KCNN3: variants seen among roughly 807,000 people sequenced by gnomAD.
KCNN3 encodes the protein small conductance calcium-activated potassium channel protein 3.
Under a neutral mutation model 62.9 loss-of-function variants are expected in KCNN3, and 16 were observed. The ratio of observed to expected loss-of-function variants is 0.25; its 90% CI spans 0.17 to 0.39. The LOEUF (loss-of-function observed/expected upper bound fraction) is 0.39, where lower values mean the gene tolerates loss of function less well. Among genes scored for constraint, KCNN3 ranks in the 10% least tolerant of loss-of-function variants. KCNN3 has a pLI of 1.00. For missense variants in KCNN3, 599 were observed against 949.4 expected (o/e 0.63, Z 4.85); for synonymous variants, 370 against 389.2 (o/e 0.95, Z 0.58).
At position 154,754,852 on chromosome 1, in the gene KCNN3, G is replaced by A. The variant is rs995055928; in HGVS notation, c.1448+17123C>T. The stretch of plus-strand genomic sequence containing the variant: ...CTTGCAGCCTAAAACGAATACTAAC[G>A]GGTAAAGTTCCTGAGAAAAAGAAGA... On this transcript the variant is annotated intron_variant, in intron 3 of 7. Coordinates refer to ENST00000271915, the MANE Select transcript of KCNN3 (RefSeq NM_002249.6). Among the ~76,000 whole-genome samples the A allele has an allele frequency of 8.5e-5, 13 of 152,266 alleles. No homozygotes were observed. In the East Asian group the frequency reaches 9.6e-4, roughly 11 times the overall value.
intron 5 of KCNN3, among the ~76,000 whole-genome samples, chr1:154,715,644 A>G (rs113623400): frequency 0.017 from 2,493 of 147,884 alleles, 75 homozygotes; most frequent in African/African-American, 0.06. Flanking sequence ...TGATTATTTC[A>G]ATACTATCTC....
chr1:154,746,483 C>G (rs977016178), intron 3 of KCNN3, among the ~76,000 whole-genome samples: 1 of 152,224 alleles, frequency 6.6e-6, no homozygotes, highest in Non-Finnish European at 1.5e-5. Flanking sequence ...ACAGGCACAG[C>G]TGGCCTGCAC....
At chr1:154,828,730 A>C (rs1288443573) in intron 1 of KCNN3, among the ~76,000 whole-genome samples, 1 of 152,258 alleles carries the variant, frequency 6.6e-6, no homozygotes, top group Non-Finnish European at 1.5e-5. Flanking sequence ...CACAAAGAGA[A>C]GCATGCATTC....
intron 3 of KCNN3, among the ~76,000 whole-genome samples, chr1:154,733,494 T>C (rs1700643863): frequency 6.6e-6 from 1 of 152,170 alleles, no homozygotes; most frequent in Non-Finnish European, 1.5e-5. Flanking sequence ...AAGCCGACAG[T>C]CTAAATGTAT....
chr1:154,709,720 G>A (rs555013499), intron 7 of KCNN3, among the ~76,000 whole-genome samples: 10 of 152,332 alleles, frequency 6.6e-5, no homozygotes, highest in African/African-American at 2.2e-4. Flanking sequence ...GGATGCCCTT[G>A]GAGGACAGGG....
chr1:154,821,361 T>G (rs1157273127), intron 2 of KCNN3, among the ~76,000 whole-genome samples: 1 of 152,184 alleles, frequency 6.6e-6, no homozygotes, highest in Non-Finnish European at 1.5e-5. Flanking sequence ...CAGGTCAGCC[T>G]GAAGGGCCGG....
intron 2 of KCNN3, among the ~76,000 whole-genome samples, chr1:154,785,513 A>G (rs1196359201): frequency 6.6e-6 from 1 of 151,004 alleles, no homozygotes; most frequent in Non-Finnish European, 1.5e-5. Context: ...CACTTCAAAC[A>G]GCAACAAGCC....
Position 154,702,575 on chromosome 1 carries a change from T to G in KCNN3, c.*5401A>C, listed in dbSNP as rs1404714304. 6.6e-6 allele frequency: 1 copy of G among 150,842 alleles called. No homozygotes were observed. Among genetic ancestry groups the G allele is most frequent in the African/African-American group, 2.4e-5 (1 of 41,162 alleles). The allele number at this position is 150,842 out of a possible 1,614,324, so 9.3% of individuals were successfully genotyped here. A position where few individuals can be genotyped will look rare whatever the true frequency, so the allele number is the denominator to read the frequency against. On this transcript the variant is annotated 3_prime_UTR_variant, in exon 8 of 8. Transcript: ENST00000271915. ...TTGTTGCGCCATTAAAAAACGTATC[T>G]GATGAAGGTGGATCAGTCCTGGTTG...
intron 3 of KCNN3, among the ~76,000 whole-genome samples, chr1:154,763,733 C>T (rs946483171): frequency 2.0e-4 from 30 of 152,168 alleles, no homozygotes; most frequent in Non-Finnish European, 3.2e-4. Flanking sequence ...GGCTTGTGGT[C>T]AGAGAATACA....
At chr1:154,780,259 T>TC (rs1648976458) in intron 2 of KCNN3, among the ~76,000 whole-genome samples, 4 of 149,170 alleles carry the variant, frequency 2.7e-5, no homozygotes, top group South Asian at 2.1e-4. Context: ...TCACTCGTTT[T>TC]TCCCCCCATT....
Position 154,703,745 on chromosome 1 carries a change from T to G in KCNN3, c.*4231A>C, listed in dbSNP as rs904185458. On this transcript the variant is annotated 3_prime_UTR_variant, in exon 8 of 8. Transcript: ENST00000271915. ...TTCTCCCTGCTGATTTTACCACTATTTAATGTGCACTAATTACTTTTTGGT... is the reference window on the plus strand; with the variant it reads ...TTCTCCCTGCTGATTTTACCACTATGTAATGTGCACTAATTACTTTTTGGT... The G allele has an allele frequency of 6.6e-6, 1 of 152,222 alleles. No homozygotes were observed. The highest frequency in any genetic ancestry group is 6.5e-5 in the Admixed American group (1 of 15,282). 9.4% of individuals were successfully genotyped at this position (152,222 alleles called of 1,614,324 possible).
chr1:154,845,903 G>C (rs1424972991), intron 1 of KCNN3, among the ~76,000 whole-genome samples: 1 of 152,232 alleles, frequency 6.6e-6, no homozygotes, highest in African/African-American at 2.4e-5. Context: ...CCAGGCTAGA[G>C]AAATGTGAAT....
intron 1 of KCNN3, chr1:154,867,854 C>G: frequency 1.5e-6 from 1 of 647,862 alleles, no homozygotes; most frequent in Non-Finnish European, 1.9e-6. Context: ...GTGGGGGTAT[C>G]GTGGAGCCAC....
intron 2 of KCNN3, among the ~76,000 whole-genome samples, chr1:154,776,576 C>T (rs1029776480): frequency 1.3e-5 from 2 of 152,160 alleles, no homozygotes; most frequent in East Asian, 3.9e-4. Context: ...CTCTATGCTT[C>T]CTTCCTTCTG....
intron 2 of KCNN3, among the ~76,000 whole-genome samples, chr1:154,796,942 A>T (rs754325910): frequency 7.2e-4 from 110 of 152,352 alleles, no homozygotes; most frequent in Non-Finnish European, 1.2e-3. Flanking sequence ...TTTGGGATCT[A>T]GGACTTAAAT....
At chr1:154,770,361 G>T (rs1338446453) in intron 3 of KCNN3, among the ~76,000 whole-genome samples, 1 of 152,230 alleles carries the variant, frequency 6.6e-6, no homozygotes, top group Non-Finnish European at 1.5e-5. Context: ...AGAAATGTCT[G>T]CAAACAGAAT....
intron 1 of KCNN3, among the ~76,000 whole-genome samples, chr1:154,854,386 T>C (rs1161503488): frequency 1.3e-5 from 2 of 152,334 alleles, no homozygotes; most frequent in African/African-American, 4.8e-5. Flanking sequence ...AGATGTCTTT[T>C]TCCTGTTATC....
chr1:154,823,819 C>T (rs944667555), intron 1 of KCNN3, among the ~76,000 whole-genome samples: 10 of 152,130 alleles, frequency 6.6e-5, no homozygotes, highest in Admixed American at 1.3e-4. Context: ...TGGGGTGAGG[C>T]GGTATGTCCA....
At chr1:154,724,859 CTTT>C (rs11362418) in intron 5 of KCNN3, among the ~76,000 whole-genome samples, 2 of 138,394 alleles carry the variant, frequency 1.4e-5, no homozygotes, top group African/African-American at 2.6e-5. Flanking sequence ...TAGAATGATT[CTTT>C]TTTTTTTTTT....
Sources: allele counts gnomAD v4.1 joint callset (sites outside exome capture counted in the v4.1 genomes callset), GRCh38; gene constraint gnomAD v4.1.1; transcripts MANE v1.5; gene names NCBI Gene and HGNC (gene_info 2026-07-23, HGNC 2026-07-21).